ATXN7: variants seen among roughly 807,000 people sequenced by gnomAD.
ATXN7 encodes ataxin 7, also known as ataxin-7.
In ATXN7, 12 loss-of-function variants were observed where a neutral mutation model predicts 70.5. That is an observed-to-expected ratio of 0.17 (90% CI 0.11 to 0.28). The LOEUF (loss-of-function observed/expected upper bound fraction) is 0.28. Among genes scored for constraint, ATXN7 ranks in the 10% least tolerant of loss-of-function variants. The pLI, the probability that ATXN7 is intolerant of heterozygous loss-of-function variation, is 1.00. For synonymous variants in ATXN7, 498 were observed against 448.7 expected (o/e 1.11, Z -1.39); for missense variants, 1,256 against 1,131.7 (o/e 1.11, Z -1.58).
intron 1 of ATXN7, among the ~76,000 whole-genome samples, chr3:63,886,794 G>C (rs1015724076): frequency 5.3e-5 from 8 of 152,156 alleles, no homozygotes; most frequent in African/African-American, 1.4e-4. Flanking sequence ...TTAGTGTTCT[G>C]GTCTTATTAT....
chr3:63,884,046 T>C (rs1702997077), intron 1 of ATXN7, among the ~76,000 whole-genome samples: 1 of 152,146 alleles, frequency 6.6e-6, no homozygotes, highest in South Asian at 2.1e-4. Flanking sequence ...AAGTAGTTCA[T>C]GTAGAAATTT....
chr3:63,867,214 AT>A (rs745375761), intron 1 of ATXN7, among the ~76,000 whole-genome samples: 2 of 152,154 alleles, frequency 1.3e-5, no homozygotes, highest in Non-Finnish European at 2.9e-5. Flanking sequence ...CTTTTTGTGT[AT>A]GTGTATTTTT....
intron 12 of ATXN7, chr3:63,998,325 C>T: frequency 1.0e-6 from 1 of 985,136 alleles, no homozygotes; most frequent in Non-Finnish European, 1.2e-6. Context: ...TCTGGACTTG[C>T]ATGTGAAATT....
Position 63,999,706 on chromosome 3 carries a change from A to G in ATXN7, c.*239A>G. ...GTTCAGCCACCGAATTGCTTTTATC[A>G]GTGTTAAAGTGGTCTGAACTGCTTG... On this transcript the variant is annotated 3_prime_UTR_variant, in exon 13 of 13. Transcript: ENST00000674280. 1.4e-6 allele frequency: 1 copy of G among 695,010 alleles called. No individual in the cohort carries two copies. 43.1% of individuals were successfully genotyped at this position (695,010 alleles called of 1,614,324 possible).
In ATXN7 at chr3:63,872,317, A is replaced by G. The variant is rs75272829; in HGVS notation, c.-111+8159A>G. Among the ~76,000 whole-genome samples the G allele has an allele frequency of 2.7e-3, 411 of 152,312 alleles. 2 individuals are homozygous for G. Among genetic ancestry groups the G allele is most frequent in the African/African-American group, 9.3e-3 (388 of 41,564 alleles). ...AAGTTTGTGGCTTAAAACACATACC[A>G]TTTTATTTGCTCATAATTAGGGCAG... On this transcript the variant is annotated intron_variant, in intron 1 of 12. Coordinates refer to ENST00000674280, the MANE Select transcript of ATXN7 (RefSeq NM_001377405.1).
chr3:63,905,662 A>C (rs1329640315), intron 2 of ATXN7: 1 of 152,206 alleles, frequency 6.6e-6, no homozygotes, highest in Non-Finnish European at 1.5e-5. Context: ...GAGATGGAGC[A>C]AGCTCTGGAA....
chr3:63,919,209 T>C (rs1447391493), intron 4 of ATXN7, among the ~76,000 whole-genome samples: 1 of 152,222 alleles, frequency 6.6e-6, no homozygotes, highest in Non-Finnish European at 1.5e-5. Context: ...TATTGAAACG[T>C]AGTGACGGGC....
chr3:63,969,354 T>C (rs900489762), intron 5 of ATXN7, among the ~76,000 whole-genome samples: 1 of 152,074 alleles, frequency 6.6e-6, no homozygotes, highest in African/African-American at 2.4e-5. Context: ...ACTGGCTCAG[T>C]GTAGCACTTT....
At chr3:63,920,273 G>C (rs1422270247) in intron 4 of ATXN7, among the ~76,000 whole-genome samples, 7 of 152,148 alleles carry the variant, frequency 4.6e-5, no homozygotes, top group Non-Finnish European at 7.4e-5. Context: ...ATTGGTTCTT[G>C]TAAACTCTAA....
At chr3:63,921,423 A>G (rs1434567495) in intron 4 of ATXN7, among the ~76,000 whole-genome samples, 3 of 152,244 alleles carry the variant, frequency 2.0e-5, no homozygotes, top group Non-Finnish European at 4.4e-5. Context: ...GTTGTTGGCA[A>G]TTTATATGTA....
chr3:63,992,754 T>A (rs2075692182), intron 11 of ATXN7, among the ~76,000 whole-genome samples: 1 of 152,122 alleles, frequency 6.6e-6, no homozygotes, highest in South Asian at 2.1e-4. Context: ...GCATGACCAT[T>A]GGTTTTTAAA....
At chr3:63,970,851 G>C (rs1057066099) in intron 5 of ATXN7, among the ~76,000 whole-genome samples, 3 of 152,190 alleles carry the variant, frequency 2.0e-5, no homozygotes, top group Non-Finnish European at 4.4e-5. Context: ...TCTGCCCAGA[G>C]ACGTGGAAAT....
intron 1 of ATXN7, among the ~76,000 whole-genome samples, chr3:63,872,058 C>T (rs2107202360): frequency 6.6e-6 from 1 of 152,212 alleles, no homozygotes; most frequent in African/African-American, 2.4e-5. Context: ...CTATGCCCCA[C>T]ATTCTGGTGG....
intron 4 of ATXN7, among the ~76,000 whole-genome samples, chr3:63,942,988 G>T (rs905012940): frequency 6.6e-6 from 1 of 152,220 alleles, no homozygotes; most frequent in Non-Finnish European, 1.5e-5. Flanking sequence ...GTCAGGTACT[G>T]TGCTATGTAC....
intron 4 of ATXN7, among the ~76,000 whole-genome samples, chr3:63,928,723 C>T (rs914186066): frequency 6.6e-6 from 1 of 152,194 alleles, no homozygotes; most frequent in African/African-American, 2.4e-5. Context: ...CACCCCATGG[C>T]CAGATGGTTC....
In ATXN7 at chr3:63,999,513, A is replaced by G; in HGVS notation, c.*46A>G. On this transcript the variant is annotated 3_prime_UTR_variant, in exon 13 of 13. Coordinates refer to ENST00000674280, the MANE Select transcript of ATXN7 (RefSeq NM_001377405.1). ...AGGAATAATGCGGACACTTTTGAGG[A>G]CAAGTTACACCTCCACTCAGCACTC... 6.2e-7 allele frequency: 1 copy of G among 1,611,666 alleles called. No homozygotes were observed. The highest frequency in any genetic ancestry group is 8.5e-7 in the Non-Finnish European group (1 of 1,178,834).
At chr3:63,922,027 CTTTT>C (rs941399983) in intron 4 of ATXN7, among the ~76,000 whole-genome samples, 1 of 151,200 alleles carries the variant, frequency 6.6e-6, no homozygotes, top group Non-Finnish European at 1.5e-5. Context: ...TTTTCTTTTT[CTTTT>C]TTTTTCTTTT....
intron 1 of ATXN7, among the ~76,000 whole-genome samples, chr3:63,872,010 C>G (rs1326707813): frequency 6.6e-6 from 1 of 152,036 alleles, no homozygotes; most frequent in African/African-American, 2.4e-5. Context: ...AGCAAATTTT[C>G]ACTTCAGTTA....
In ATXN7 at chr3:63,863,932, G is replaced by A. The variant is rs1462124334; in HGVS notation, c.-337G>A. On this transcript the variant is annotated 5_prime_UTR_variant, in exon 1 of 13. Coordinates refer to ENST00000674280, the MANE Select transcript of ATXN7 (RefSeq NM_001377405.1). ...GGCGCCCGCGGCCGCCTGCTCCGAC[G>A]CCTGAGCCGCGCCGCGCCGCGCCGC... is the stretch of plus-strand genomic sequence containing the variant. The A allele has an allele frequency of 3.0e-5, 16 of 526,962 alleles. No individual in the cohort carries two copies. The East Asian group carries it at 2.3e-3, about 77-fold the overall frequency. 32.6% of individuals were successfully genotyped at this position (526,962 alleles called of 1,614,324 possible).
Sources: gnomAD v4.1 joint callset for allele counts (sites outside exome capture counted in the v4.1 genomes callset) on GRCh38, gnomAD v4.1.1 for gene constraint, MANE v1.5 for transcripts, NCBI Gene and HGNC (gene_info 2026-07-23, HGNC 2026-07-21) for gene names.